Variants in GRM7 observed in about 807,000 individuals in gnomAD.
GRM7 encodes metabotropic glutamate receptor 7.
Under a neutral mutation model 84.5 loss-of-function variants are expected in GRM7, and 35 were observed. The ratio of observed to expected loss-of-function variants is 0.41; its 90% CI spans 0.32 to 0.55. The LOEUF is 0.55. GRM7 is among the 20% of genes least tolerant of loss of function. GRM7 has a pLI of 0.19. For synonymous variants in GRM7, 487 were observed against 455.1 expected (o/e 1.07, Z -0.89); for missense variants, 1,003 against 1,194.6 (o/e 0.84, Z 2.36).
chr3:7,662,663 G>A (rs1699519084), intron 8 of GRM7, among the ~76,000 whole-genome samples: 1 of 152,132 alleles, frequency 6.6e-6, no homozygotes, highest in Non-Finnish European at 1.5e-5. Flanking sequence ...AAAGTGCGAA[G>A]TATTATAATG....
At chr3:7,619,653 A>C (rs1252519985) in intron 8 of GRM7, among the ~76,000 whole-genome samples, 1 of 152,140 alleles carries the variant, frequency 6.6e-6, no homozygotes, top group Admixed American at 6.6e-5. Context: ...ACGTGGAAGT[A>C]TCCAGAGATC....
rs542794618 is a variant in GRM7, at chr3:6,867,153, A to G, written c.519+5246A>G. Among the ~76,000 whole-genome samples the G allele has an allele frequency of 4.6e-5, 7 of 152,190 alleles. No homozygotes were observed. In the East Asian group the frequency reaches 1.3e-3, roughly 29 times the overall value. On this transcript the variant is annotated intron_variant, in intron 1 of 9. Transcript: ENST00000357716. ...TATTTTTTGAAACACATTTCTTTTT[A>G]CTATTTTGAGTTTGATTTTAGCCAT... is the stretch of plus-strand genomic sequence containing the variant.
chr3:7,162,114 G>T (rs990882843), intron 2 of GRM7, among the ~76,000 whole-genome samples: 1 of 152,170 alleles, frequency 6.6e-6, no homozygotes, highest in African/African-American at 2.4e-5. Flanking sequence ...CCCTATTTTA[G>T]ACTTGTGAGG....
At chr3:7,051,847 G>A (rs1697013387) in intron 1 of GRM7, among the ~76,000 whole-genome samples, 1 of 151,680 alleles carries the variant, frequency 6.6e-6, no homozygotes, top group Non-Finnish European at 1.5e-5. Flanking sequence ...AAGCTGACCT[G>A]GTAGATCAAC....
intron 7 of GRM7, among the ~76,000 whole-genome samples, chr3:7,501,977 G>T (rs1320964792): frequency 6.6e-6 from 1 of 152,172 alleles, no homozygotes; most frequent in Non-Finnish European, 1.5e-5. Flanking sequence ...GGATAATGCA[G>T]CCTTACATAG....
intron 2 of GRM7, among the ~76,000 whole-genome samples, chr3:7,206,954 T>A (rs1696260655): frequency 6.6e-6 from 1 of 152,106 alleles, no homozygotes; most frequent in Non-Finnish European, 1.5e-5. Flanking sequence ...ACAAGATATA[T>A]ATATGTAAAA....
intron 8 of GRM7, among the ~76,000 whole-genome samples, chr3:7,592,050 T>C (rs1695808258): frequency 6.6e-6 from 1 of 152,174 alleles, no homozygotes; most frequent in Non-Finnish European, 1.5e-5. Context: ...TCATGAGGAT[T>C]GAATGAGTTA....
At chr3:7,173,220 G>T (rs1405979054) in intron 2 of GRM7, among the ~76,000 whole-genome samples, 1 of 152,156 alleles carries the variant, frequency 6.6e-6, no homozygotes, top group Non-Finnish European at 1.5e-5. Flanking sequence ...CCTTAAGAAT[G>T]AAGTTAACTA....
At chr3:6,925,837 C>CA (rs1422907947) in intron 1 of GRM7, among the ~76,000 whole-genome samples, 2 of 152,194 alleles carry the variant, frequency 1.3e-5, no homozygotes, top group Non-Finnish European at 2.9e-5. Flanking sequence ...TACATTGGCA[C>CA]TTCAGATATT....
intron 1 of GRM7, among the ~76,000 whole-genome samples, chr3:7,099,246 G>T (rs940859289): frequency 6.3e-5 from 6 of 95,518 alleles, no homozygotes; most frequent in African/African-American, 2.6e-4. Context: ...ATGTATATAT[G>T]AATACATGTA....
chr3:7,057,921 A>G (rs1697288815), intron 1 of GRM7, among the ~76,000 whole-genome samples: 1 of 151,964 alleles, frequency 6.6e-6, no homozygotes, highest in African/African-American at 2.4e-5. Flanking sequence ...ACATGGATTC[A>G]TCAGGTATCT....
At position 7,359,220 on chromosome 3, in the gene GRM7, T is replaced by TTGTGTGTGTGTGTGTGTGTGTGTG. The variant is rs34535570; in HGVS notation, c.1033+52580_1033+52603dup. Among the ~76,000 whole-genome samples the TTGTGTGTGTGTGTGTGTGTGTGTG allele has an allele frequency of 3.7e-3, 489 of 133,216 alleles. 21 individuals carry two copies. The highest frequency in any genetic ancestry group is 0.012 in the South Asian group (53 of 4,268). 87.4% of individuals were successfully genotyped at this position (133,216 alleles called of 152,430 possible). On this transcript the variant is annotated intron_variant, in intron 4 of 9. Transcript: ENST00000357716. Reference sequence around the variant, plus strand: ...TTACCATTTGGTAGGGTGTTTGTGTTTGTGTGTGTGTGTGTGTGTGTGTGT... The same window carrying TTGTGTGTGTGTGTGTGTGTGTGTG: ...TTACCATTTGGTAGGGTGTTTGTGTTTGTGTGTGTGTGTGTGTGTGTGTGTGTGTGTGTGTGTGTGTGTGTGTGT...
intron 1 of GRM7, among the ~76,000 whole-genome samples, chr3:6,887,791 T>C (rs1362021021): frequency 6.6e-6 from 1 of 152,200 alleles, no homozygotes; most frequent in East Asian, 1.9e-4. Context: ...TTCTAGATCC[T>C]TGAGGAATGG....
intron 8 of GRM7, among the ~76,000 whole-genome samples, chr3:7,645,546 TAAAAAAAAAAAA>T (rs71043684): frequency 1.1e-5 from 1 of 87,792 alleles, no homozygotes; most frequent in Non-Finnish European, 2.1e-5. Flanking sequence ...GACTCCATCT[TAAAAAAAAAAAA>T]AAAAAAAAAA....
At chr3:6,904,733 TC>T (rs1344982956) in intron 1 of GRM7, among the ~76,000 whole-genome samples, 14 of 152,050 alleles carry the variant, frequency 9.2e-5, no homozygotes, top group Non-Finnish European at 1.5e-4. Flanking sequence ...GTTTTTTTTT[TC>T]TTTTGAGATG....
At chr3:6,868,014 C>G (rs1051741780) in intron 1 of GRM7, among the ~76,000 whole-genome samples, 1 of 151,980 alleles carries the variant, frequency 6.6e-6, no homozygotes, top group Non-Finnish European at 1.5e-5. Context: ...TTATGCAAAC[C>G]GACTTTCTAA....
chr3:7,701,568 G>A (rs1701231306), intron 9 of GRM7, among the ~76,000 whole-genome samples: 1 of 152,092 alleles, frequency 6.6e-6, no homozygotes, highest in Non-Finnish European at 1.5e-5. Flanking sequence ...CCCCCAAAGT[G>A]CGGGATTACA....
intron 1 of GRM7, among the ~76,000 whole-genome samples, chr3:7,069,152 A>T (rs1287502394): frequency 3.3e-5 from 5 of 151,956 alleles, no homozygotes; most frequent in African/African-American, 9.7e-5. Context: ...TAATATTGAA[A>T]CTATTTGCAA....
At chr3:7,099,525 CACGCATTATACATGTACACAT>C (rs1559439339) in intron 1 of GRM7, among the ~76,000 whole-genome samples, 3 of 146,960 alleles carry the variant, frequency 2.0e-5, no homozygotes, top group Non-Finnish European at 4.5e-5. Context: ...TGTATATGTA[CACGCATTATACATGTACACAT>C]ATATGTATAT....
Sources: gnomAD v4.1 joint callset for allele counts (sites outside exome capture counted in the v4.1 genomes callset) on GRCh38, gnomAD v4.1.1 for gene constraint, MANE v1.5 for transcripts, NCBI Gene and HGNC (gene_info 2026-07-23, HGNC 2026-07-21) for gene names.